XKR4: variants seen among roughly 807,000 people sequenced by gnomAD.
The protein encoded by XKR4 is XK-related protein 4.
A neutral mutation model predicts 53.9 loss-of-function variants in XKR4; 12 were observed. That is an observed-to-expected ratio of 0.22 (90% CI 0.14 to 0.36). XKR4 has a LOEUF of 0.36. Among genes scored for constraint, XKR4 ranks in the 10% least tolerant of loss-of-function variants. The pLI, the probability that XKR4 is intolerant of heterozygous loss-of-function variation, is 1.00. For synonymous variants in XKR4, 354 were observed against 362.4 expected (o/e 0.98, Z 0.26); for missense variants, 799 against 859.5 (o/e 0.93, Z 0.88).
At chr8:55,187,451 C>G (rs1817395448) in intron 1 of XKR4, among the ~76,000 whole-genome samples, 1 of 151,934 alleles carries the variant, frequency 6.6e-6, no homozygotes, top group African/African-American at 2.4e-5. Flanking sequence ...TCTTAAGATT[C>G]TGAGATCATG....
chr8:55,247,381 C>T (rs1818298921), intron 1 of XKR4, among the ~76,000 whole-genome samples: 1 of 152,146 alleles, frequency 6.6e-6, no homozygotes, highest in South Asian at 2.1e-4. Context: ...ATTTAATAGA[C>T]TTTATATGAC....
chr8:55,289,626 AAAGAAAGAAAGAAAGAAAGAAAGG>A (rs1158434741), intron 1 of XKR4, among the ~76,000 whole-genome samples: 38 of 139,290 alleles, frequency 2.7e-4, no homozygotes, highest in Admixed American at 1.4e-3. Flanking sequence ...AGAAAGAAAG[AAAGAAAGAAAGAAAGAAAGAAAGG>A]AAGGAAGGAA....
chr8:55,422,448 C>G (rs1804948616), intron 2 of XKR4, among the ~76,000 whole-genome samples: 2 of 152,102 alleles, frequency 1.3e-5, no homozygotes, highest in African/African-American at 4.8e-5. Flanking sequence ...ACCTCACAAA[C>G]AGTAGAGGAT....
At chr8:55,438,251 C>T (rs2975995) in intron 2 of XKR4, among the ~76,000 whole-genome samples, 2 of 152,036 alleles carry the variant, frequency 1.3e-5, no homozygotes, top group Non-Finnish European at 2.9e-5. Flanking sequence ...TCATAATAGG[C>T]TTCTTCCTGG....
intron 1 of XKR4, among the ~76,000 whole-genome samples, chr8:55,187,439 A>G (rs1817395309): frequency 6.6e-6 from 1 of 152,174 alleles, no homozygotes; most frequent in Non-Finnish European, 1.5e-5. Context: ...GAATTTGGAA[A>G]TTCTTAAGAT....
At chr8:55,150,959 T>C (rs959055374) in intron 1 of XKR4, among the ~76,000 whole-genome samples, 3 of 152,224 alleles carry the variant, frequency 2.0e-5, no homozygotes, top group African/African-American at 7.2e-5. Flanking sequence ...GTCTAACCTT[T>C]TTAAGAAACA....
Position 55,512,799 on chromosome 8 carries a change from C to G in XKR4, c.1007-10482C>G, listed in dbSNP as rs532941163. ...TACACCCCTCCATGGATGGGCACGC[C>G]AGTGTGTTCTCTCTGGGGTCTCTCC... On this transcript the variant is annotated intron_variant, in intron 2 of 2. Transcript: ENST00000327381. Among the ~76,000 whole-genome samples, 3 of 152,208 alleles carry G rather than the reference C, an allele frequency of 2.0e-5. No individual in the cohort carries two copies. The South Asian group carries it at 6.2e-4, about 32-fold the overall frequency.
intron 2 of XKR4, chr8:55,451,407 C>G (rs1050793386): frequency 1.0e-6 from 1 of 962,714 alleles, no homozygotes; most frequent in South Asian, 1.4e-5. Context: ...TGCGTCCGGA[C>G]GCACTGGAGT....
intron 1 of XKR4, among the ~76,000 whole-genome samples, chr8:55,346,979 G>A (rs901962024): frequency 2.0e-5 from 3 of 152,120 alleles, no homozygotes; most frequent in Non-Finnish European, 4.4e-5. Context: ...TATATCAGCA[G>A]TTAATGTAAC....
At chr8:55,148,794 G>A (rs946668433) in intron 1 of XKR4, among the ~76,000 whole-genome samples, 42 of 152,104 alleles carry the variant, frequency 2.8e-4, no homozygotes, top group Admixed American at 4.6e-4. Context: ...AAAATTTGGC[G>A]CATCTATTTT....
chr8:55,463,525 A>C (rs1234874108), intron 2 of XKR4, among the ~76,000 whole-genome samples: 22 of 151,954 alleles, frequency 1.4e-4, no homozygotes, highest in Admixed American at 1.2e-3. Context: ...AGAAAGTAGG[A>C]AAGATCGAAA....
intron 2 of XKR4, chr8:55,452,935 CCTT>C: frequency 1.3e-6 from 1 of 787,226 alleles, no homozygotes; most frequent in Non-Finnish European, 2.3e-6. Flanking sequence ...GTGCTCTCCT[CCTT>C]CTGCATCAGC....
At chr8:55,222,853 A>G (rs746805720) in intron 1 of XKR4, among the ~76,000 whole-genome samples, 1 of 152,118 alleles carries the variant, frequency 6.6e-6, no homozygotes, top group Non-Finnish European at 1.5e-5. Context: ...TTTAAAGAAT[A>G]TAAGGTCATT....
intron 1 of XKR4, among the ~76,000 whole-genome samples, chr8:55,243,584 C>T (rs753999216): frequency 6.6e-6 from 1 of 152,166 alleles, no homozygotes; most frequent in Admixed American, 6.5e-5. Context: ...CGGTAAATAC[C>T]AAGGAACTCA....
intron 2 of XKR4, among the ~76,000 whole-genome samples, chr8:55,358,603 A>T (rs1342609500): frequency 6.6e-6 from 1 of 152,238 alleles, no homozygotes; most frequent in Non-Finnish European, 1.5e-5. Flanking sequence ...GGCAGCAAGA[A>T]GATTAGACAG....
intron 1 of XKR4, among the ~76,000 whole-genome samples, chr8:55,251,277 A>G (rs1454545631): frequency 6.6e-6 from 1 of 152,222 alleles, no homozygotes; most frequent in East Asian, 1.9e-4. Context: ...TACCAATGTT[A>G]TTACTTTTCA....
At chr8:55,260,534 G>T (rs530657247) in intron 1 of XKR4, among the ~76,000 whole-genome samples, 4 of 152,296 alleles carry the variant, frequency 2.6e-5, no homozygotes, top group South Asian at 4.2e-4. Context: ...GGTTTAGAGT[G>T]CAGGTTTACT....
intron 2 of XKR4, among the ~76,000 whole-genome samples, chr8:55,414,342 G>A (rs1487892312): frequency 6.6e-6 from 1 of 152,014 alleles, no homozygotes; most frequent in Non-Finnish European, 1.5e-5. Context: ...GAACCTACAG[G>A]AATTCAAAAA....
At chr8:55,229,873 T>C (rs908454434) in intron 1 of XKR4, among the ~76,000 whole-genome samples, 1 of 151,500 alleles carries the variant, frequency 6.6e-6, no homozygotes, top group African/African-American at 2.4e-5. Context: ...ATTAGCTTTT[T>C]TTTTTTTTTT....
Sources: gnomAD v4.1 joint callset for allele counts (sites outside exome capture counted in the v4.1 genomes callset) on GRCh38, gnomAD v4.1.1 for gene constraint, MANE v1.5 for transcripts, NCBI Gene and HGNC (gene_info 2026-07-23, HGNC 2026-07-21) for gene names.